The following SAMM50 variants were observed in gnomAD, a reference collection of about 807,000 sequenced individuals.
SAMM50 encodes SAMM50 sorting and assembly machinery component, also known as sorting and assembly machinery component 50 homolog.
SAMM50 carries 47 observed loss-of-function variants against 66.9 expected under a neutral mutation model. That is an observed-to-expected ratio of 0.70 (90% confidence interval 0.56 to 0.90). SAMM50 has a LOEUF of 0.90. SAMM50 is among the 40% of genes least tolerant of loss of function. SAMM50 has a pLI of 0.00. For synonymous variants in SAMM50, 191 were observed against 214.1 expected, an observed-to-expected ratio of 0.89 and a Z score of 0.94; for missense variants, 535 against 595.3, an observed-to-expected ratio of 0.90 and a Z score of 1.05.
chr22:43,974,441 G>A (rs1487885152), intron 7 of SAMM50, among the ~76,000 whole-genome samples: 2 of 152,304 alleles, frequency 1.3e-5, no homozygotes, highest in Non-Finnish European at 2.9e-5. Context: ...CTCCTGATGC[G>A]GCGCGTGGCG....
intron 7 of SAMM50, 34 bp downstream of exon 7, chr22:43,973,357 G>T: frequency 7.5e-7 from 1 of 1,331,156 alleles, no homozygotes; most frequent in South Asian, 1.2e-5. Context: ...CTCTGGGCTT[G>T]GGGGAAAACA....
intron 12 of SAMM50, 163 bp from the exon 13 acceptor site, chr22:43,988,948 G>A (rs548324463): frequency 3.6e-6 from 2 of 558,984 alleles, no homozygotes; most frequent in Admixed American, 6.1e-5. Flanking sequence ...TATTTAAAAT[G>A]AGGCCATCAG....
intron 14 of SAMM50, among the ~76,000 whole-genome samples, chr22:43,994,771 G>A (rs970094266): frequency 6.6e-6 from 1 of 152,170 alleles, no homozygotes; most frequent in Non-Finnish European, 1.5e-5. Context: ...GTGGAACTTC[G>A]CAGCGCTGCT....
chr22:43,988,785 T>G, intron 12 of SAMM50: 1 of 205,648 alleles, frequency 4.9e-6, no homozygotes, highest in Non-Finnish European at 9.7e-6. Context: ...TCATCTACAT[T>G]TGTGGATAAA....
At chr22:43,979,569 C>T (rs996333588) in intron 10 of SAMM50, among the ~76,000 whole-genome samples, 3 of 152,130 alleles carry the variant, frequency 2.0e-5, no homozygotes, top group African/African-American at 7.2e-5. Flanking sequence ...CTCTCCTACT[C>T]CCTGCCTTCC....
intron 3 of SAMM50, among the ~76,000 whole-genome samples, chr22:43,966,877 A>G (rs1282085758): frequency 3.3e-5 from 5 of 149,954 alleles, no homozygotes; most frequent in Non-Finnish European, 7.4e-5. Flanking sequence ...TCTGTCTTCC[A>G]TTGGGTCATT....
chr22:43,961,188 G>C (rs1338735012), intron 1 of SAMM50, among the ~76,000 whole-genome samples: 1 of 152,146 alleles, frequency 6.6e-6, no homozygotes, highest in African/African-American at 2.4e-5. Flanking sequence ...CTTTAAAAGT[G>C]CCTAATTGTA....
intron 12 of SAMM50, chr22:43,986,457 A>T (rs138210779): frequency 6.6e-6 from 1 of 152,150 alleles, no homozygotes; most frequent in African/African-American, 2.4e-5. Flanking sequence ...GACATGCAAC[A>T]TCCGTCAGAG....
At chr22:43,964,694 C>T in intron 3 of SAMM50, 141 bp downstream of exon 3, 1 of 551,946 alleles carries the variant, frequency 1.8e-6, no homozygotes, top group South Asian at 2.5e-5. Context: ...GCCTTGGCAC[C>T]CCCAAGCTGA....
chr22:43,958,045 G>A (rs1014344980), intron 1 of SAMM50, among the ~76,000 whole-genome samples: 2 of 152,188 alleles, frequency 1.3e-5, no homozygotes, highest in South Asian at 2.1e-4. Flanking sequence ...GAGTCACCAC[G>A]CCTGGCCTTT....
chr22:43,974,319 G>A (rs1169780160), intron 7 of SAMM50, among the ~76,000 whole-genome samples: 7 of 152,156 alleles, frequency 4.6e-5, no homozygotes, highest in Admixed American at 2.0e-4. Flanking sequence ...TGACTCCCCC[G>A]TCTCCCTTAG....
intron 14 of SAMM50, among the ~76,000 whole-genome samples, chr22:43,990,691 A>G (rs2050319608): frequency 1.3e-5 from 2 of 151,948 alleles, no homozygotes. Context: ...AGGAATTGAC[A>G]GGTGATTTGG....
rs768573920 is a variant in SAMM50 at position 43,963,274 on chromosome 22, C to T, written c.22-12C>T. On this transcript the variant is annotated splice_polypyrimidine_tract_variant and intron_variant, in intron 1 of 14. Transcript: ENST00000350028. Reference sequence around the variant, plus strand: ...CAAAGTCATTTATCTGTGGTCGCTCCCTCCCTTTCAGAGTTTGGAGCCTCT... The same window carrying T: ...CAAAGTCATTTATCTGTGGTCGCTCTCTCCCTTTCAGAGTTTGGAGCCTCT... 5 of 1,551,236 alleles carry T rather than the reference C, an allele frequency of 3.2e-6. No individual in the cohort carries two copies. In the African/African-American group the frequency reaches 4.1e-5, roughly 13 times the overall value.
chr22:43,994,321 G>A (rs2050341339), intron 14 of SAMM50, among the ~76,000 whole-genome samples: 1 of 151,932 alleles, frequency 6.6e-6, no homozygotes, highest in Non-Finnish European at 1.5e-5. Flanking sequence ...TTCCAGCCCC[G>A]CTGACCTTTT....
intron 14 of SAMM50, 47 bp from the exon 15 acceptor site, chr22:43,996,291 A>C (rs745713065): frequency 3.1e-6 from 5 of 1,605,392 alleles, no homozygotes; most frequent in African/African-American, 1.3e-5. Context: ...TGAAGATGGC[A>C]GGGCTGGCGG....
chr22:43,979,193 C>G (rs1314729070), intron 10 of SAMM50, among the ~76,000 whole-genome samples: 1 of 152,240 alleles, frequency 6.6e-6, no homozygotes, highest in Non-Finnish European at 1.5e-5. Flanking sequence ...TTGCCATCTC[C>G]CCACCCTGCT....
chr22:43,963,164 C>T (rs1429938271), intron 1 of SAMM50, 122 bp from the exon 2 acceptor site: 5 of 613,210 alleles, frequency 8.2e-6, no homozygotes, highest in Non-Finnish European at 1.2e-5. Context: ...CCTGCCCCTA[C>T]CTCTACTTGA....
At position 43,981,907 on chromosome 22, in the gene SAMM50, A is replaced by G. The variant is rs369099439; in HGVS notation, c.1007+446A>G. Among the ~76,000 whole-genome samples the G allele has an allele frequency of 3.3e-5, 5 of 152,332 alleles. No homozygotes were observed. The East Asian group carries it at 9.6e-4, about 29-fold the overall frequency. On this transcript the variant is annotated intron_variant, in intron 11 of 14. Coordinates refer to ENST00000350028, the MANE Select transcript of SAMM50 (RefSeq NM_015380.5). ...GGTTTCTAATTTGTGATTTTTGTAA[A>G]TAACATTGTAAATAATAACTTTTAA... is the stretch of plus-strand genomic sequence containing the variant.
chr22:43,983,962 G>A lies in SAMM50; in HGVS notation c.1037G>A (p.Arg346His), dbSNP rs995506644. ...RFYLGGPTSI[R>H]GFSMHSIGPQ... ...TACCTTGGGGGACCCACAAGCATCC[G>A]CGGATTCAGCATGCACAGCATCGGG... The change falls in exon 12 of 15, where the codon CGC becomes CAC. Residue 346 changes from arginine to histidine, a missense_variant. Coordinates refer to ENST00000350028, the MANE Select transcript of SAMM50 (RefSeq NM_015380.5). The surrounding 1 kb of genome is among the most constrained non-coding windows in gnomAD (Gnocchi z 4.2). The A allele has an allele frequency of 1.9e-6, 3 of 1,611,564 alleles. No homozygotes were observed. The highest frequency in any genetic ancestry group is 1.1e-5 in the South Asian group (1 of 90,434).
Sources: gnomAD v4.1 joint callset for allele counts (sites outside exome capture counted in the v4.1 genomes callset) on GRCh38, gnomAD v4.1.1 for gene constraint, Gnocchi (gnomAD v3.1) non-coding constraint, MANE v1.5 for transcripts, NCBI Gene and HGNC (gene_info 2026-07-23, HGNC 2026-07-21) for gene names.